The following MGAT4C variants were observed in gnomAD, a reference collection of about 807,000 sequenced individuals.
The protein encoded by MGAT4C is MGAT4 family member C.
A neutral mutation model predicts 40.1 loss-of-function variants in MGAT4C; 19 were observed. The ratio of observed to expected loss-of-function variants is 0.47; its 90% confidence interval spans 0.33 to 0.70. The LOEUF (loss-of-function observed/expected upper bound fraction) is 0.70, where lower values mean the gene tolerates loss of function less well. Among genes scored for constraint, MGAT4C ranks in the 30% least tolerant of loss-of-function variants. The pLI, the probability that MGAT4C is intolerant of heterozygous loss-of-function variation, is 0.02. For missense variants in MGAT4C, 491 were observed against 563.2 expected, an observed-to-expected ratio of 0.87 and a Z score of 1.30; for synonymous variants, 181 against 187.1, an observed-to-expected ratio of 0.97 and a Z score of 0.27.
chr12:86,786,696 T>G (rs919429224), intron 1 of MGAT4C, among the ~76,000 whole-genome samples: 1 of 152,118 alleles, frequency 6.6e-6, no homozygotes. Context: ...AAGACATCTC[T>G]TCTTGTCTGA....
intron 2 of MGAT4C, among the ~76,000 whole-genome samples, chr12:86,537,136 C>A (rs1231680901): frequency 6.6e-6 from 1 of 152,022 alleles, no homozygotes; most frequent in African/African-American, 2.4e-5. Context: ...AAACCAAACA[C>A]CGCATGTTCT....
At chr12:86,817,607 C>A (rs1049882400) in intron 1 of MGAT4C, among the ~76,000 whole-genome samples, 2 of 151,496 alleles carry the variant, frequency 1.3e-5, no homozygotes, top group Middle Eastern at 3.4e-3. Context: ...ATATTTTGAA[C>A]CTTTGTTGCT....
upstream of MGAT4C, chr12:86,838,975 T>G (rs1184343317): frequency 6.6e-6 from 1 of 152,236 alleles, no homozygotes; most frequent in Non-Finnish European, 1.5e-5. Context: ...CTCTCTCATC[T>G]GCAGTCTGCA....
intron 2 of MGAT4C, among the ~76,000 whole-genome samples, chr12:86,477,581 C>T (rs960754532): frequency 2.6e-5 from 4 of 151,842 alleles, no homozygotes; most frequent in Admixed American, 6.6e-5. Context: ...AAAAAATGTC[C>T]TTTTTCTCTT....
intron 2 of MGAT4C, among the ~76,000 whole-genome samples, chr12:86,703,813 T>A (rs1195379633): frequency 6.6e-6 from 1 of 152,106 alleles, no homozygotes; most frequent in Non-Finnish European, 1.5e-5. Context: ...CACTTAGAGG[T>A]TTTGGTATAT....
intron 3 of MGAT4C, among the ~76,000 whole-genome samples, chr12:86,360,453 T>C (rs1955437066): frequency 6.6e-6 from 1 of 152,120 alleles, no homozygotes; most frequent in Non-Finnish European, 1.5e-5. Context: ...TCTCACCACT[T>C]CTATTCAACA....
At chr12:86,515,759 G>C (rs1194216904) in intron 2 of MGAT4C, among the ~76,000 whole-genome samples, 1 of 131,532 alleles carries the variant, frequency 7.6e-6, no homozygotes, top group Non-Finnish European at 1.6e-5. Flanking sequence ...TTTTTTTTGA[G>C]ACGGAGTCTC....
At chr12:86,191,027 G>C (rs1889341530) in intron 1 of MGAT4C, among the ~76,000 whole-genome samples, 1 of 149,880 alleles carries the variant, frequency 6.7e-6, no homozygotes, top group Non-Finnish European at 1.5e-5. Flanking sequence ...CACAAATGTT[G>C]AACTTTCCAG....
intron 2 of MGAT4C, among the ~76,000 whole-genome samples, chr12:86,608,137 C>A (rs940249600): frequency 6.6e-6 from 1 of 152,038 alleles, no homozygotes; most frequent in African/African-American, 2.4e-5. Context: ...TTCCTGCCTT[C>A]AAGAAGTTAG....
chr12:86,398,090 C>T (rs1018802052), intron 3 of MGAT4C, among the ~76,000 whole-genome samples: 1 of 152,080 alleles, frequency 6.6e-6, no homozygotes, highest in Admixed American at 6.5e-5. Context: ...TATTAGTTTC[C>T]TGATGCCACT....
chr12:86,061,778 TCCACC>T (rs1396469114), intron 1 of MGAT4C, among the ~76,000 whole-genome samples: 1 of 151,952 alleles, frequency 6.6e-6, no homozygotes, highest in Non-Finnish European at 1.5e-5. Flanking sequence ...CTGGGTAGAG[TCCACC>T]ACAGCTCAGC....
chr12:86,090,085 T>C (rs1244581519), intron 1 of MGAT4C, among the ~76,000 whole-genome samples: 2 of 151,690 alleles, frequency 1.3e-5, no homozygotes, highest in African/African-American at 4.8e-5. Context: ...AATTATAATA[T>C]AGAATTGTAA....
intron 2 of MGAT4C, among the ~76,000 whole-genome samples, chr12:86,441,244 T>A (rs1349584519): frequency 6.6e-6 from 1 of 151,808 alleles, no homozygotes; most frequent in Non-Finnish European, 1.5e-5. Flanking sequence ...ACCAAAATAG[T>A]ACGGTACTAA....
intron 2 of MGAT4C, among the ~76,000 whole-genome samples, chr12:86,696,509 T>C (rs1328905315): frequency 6.6e-6 from 1 of 152,214 alleles, no homozygotes; most frequent in African/African-American, 2.4e-5. Flanking sequence ...TTGAGAAATA[T>C]GATTCTGTTG....
chr12:86,710,880 T>C (rs1950544615), intron 2 of MGAT4C, among the ~76,000 whole-genome samples: 1 of 152,180 alleles, frequency 6.6e-6, no homozygotes, highest in Non-Finnish European at 1.5e-5. Context: ...TAATGTCTTT[T>C]GCAGCAACTT....
Position 86,302,630 on chromosome 12 carries a change from T to C in MGAT4C, c.-57+31435A>G, listed in dbSNP as rs938420778. On this transcript the variant is annotated intron_variant, in intron 4 of 7. Transcript: ENST00000548651. ...TTTTAGTAGAGACAGGGTTTCACCA[T>C]GTTGCCCAGGCTGGTCTCGAATTCC... Among the ~76,000 whole-genome samples the C allele has an allele frequency of 3.3e-5, 5 of 150,614 alleles. No homozygotes were observed. The East Asian group carries it at 7.8e-4, about 23-fold the overall frequency.
chr12:86,703,646 A>G (rs887516852), intron 2 of MGAT4C, among the ~76,000 whole-genome samples: 8 of 152,202 alleles, frequency 5.3e-5, no homozygotes, highest in Non-Finnish European at 1.0e-4. Context: ...GTGTAGTAGA[A>G]AACATAACTT....
chr12:86,357,780 A>T (rs1278124892), intron 3 of MGAT4C, among the ~76,000 whole-genome samples: 4 of 152,178 alleles, frequency 2.6e-5, no homozygotes, highest in African/African-American at 9.7e-5. Context: ...GTTTAAAGAA[A>T]AAAGAGTAAA....
intron 1 of MGAT4C, among the ~76,000 whole-genome samples, chr12:86,749,363 T>A (rs1951200034): frequency 6.6e-6 from 1 of 151,724 alleles, no homozygotes; most frequent in Non-Finnish European, 1.5e-5. Context: ...TTGCATAAAA[T>A]ACATAGAAAC....
Sources: gnomAD v4.1 joint callset for allele counts (sites outside exome capture counted in the v4.1 genomes callset) on GRCh38, gnomAD v4.1.1 for gene constraint, MANE v1.5 for transcripts, NCBI Gene and HGNC (gene_info 2026-07-23, HGNC 2026-07-21) for gene names.